GRM8: variants seen among roughly 807,000 people sequenced by gnomAD.
GRM8 encodes the protein glutamate metabotropic receptor 8.
GRM8 carries 47 observed loss-of-function variants against 87.2 expected under a neutral mutation model. The observed-to-expected ratio is 0.54, with a 90% CI of 0.43 to 0.69. The LOEUF (loss-of-function observed/expected upper bound fraction) is 0.69. Among genes scored for constraint, GRM8 ranks in the 30% least tolerant of loss-of-function variants. GRM8 has a pLI of 0.00. For synonymous variants in GRM8, 396 were observed against 404.5 expected, an observed-to-expected ratio of 0.98 and a Z score of 0.25; for missense variants, 1,019 against 1,139.2, an observed-to-expected ratio of 0.89 and a Z score of 1.52.
At chr7:126,517,178 T>G (rs1812296990) in intron 9 of GRM8, among the ~76,000 whole-genome samples, 1 of 152,054 alleles carries the variant, frequency 6.6e-6, no homozygotes, top group Admixed American at 6.6e-5. Flanking sequence ...GGTACTATAG[T>G]TACTGCAGAT....
chr7:126,864,463 C>T (rs992819001), intron 6 of GRM8, among the ~76,000 whole-genome samples: 1 of 152,044 alleles, frequency 6.6e-6, no homozygotes, highest in Non-Finnish European at 1.5e-5. Flanking sequence ...TCACTAATTA[C>T]TTAATTAGCT....
intron 9 of GRM8, among the ~76,000 whole-genome samples, chr7:126,497,901 T>C (rs1809015150): frequency 6.6e-6 from 1 of 151,960 alleles, no homozygotes; most frequent in Non-Finnish European, 1.5e-5. Flanking sequence ...CAGTAGAGTG[T>C]AGGTGGGGAC....
intron 6 of GRM8, among the ~76,000 whole-genome samples, chr7:126,860,186 A>G (rs887100765): frequency 1.3e-5 from 2 of 152,294 alleles, no homozygotes; most frequent in Middle Eastern, 3.4e-3. Context: ...TCTGAATCTT[A>G]TACTACATAT....
intron 9 of GRM8, among the ~76,000 whole-genome samples, chr7:126,489,810 G>A (rs183133161): frequency 6.6e-6 from 1 of 152,120 alleles, no homozygotes; most frequent in Non-Finnish European, 1.5e-5. Flanking sequence ...AGCATGCAAA[G>A]CAGTAGACAG....
At chr7:126,853,703 C>A (rs557401709) in intron 6 of GRM8, among the ~76,000 whole-genome samples, 1 of 152,150 alleles carries the variant, frequency 6.6e-6, no homozygotes, top group Non-Finnish European at 1.5e-5. Context: ...GAACCTAAGG[C>A]ACCTATGAAT....
intron 9 of GRM8, among the ~76,000 whole-genome samples, chr7:126,521,835 T>C (rs971285990): frequency 6.6e-6 from 1 of 152,242 alleles, no homozygotes; most frequent in Non-Finnish European, 1.5e-5. Context: ...CTTTTATTTC[T>C]AATGAATGTG....
intron 7 of GRM8, among the ~76,000 whole-genome samples, chr7:126,680,883 G>A (rs534757574): frequency 2.0e-5 from 3 of 152,222 alleles, no homozygotes; most frequent in East Asian, 1.9e-4. Flanking sequence ...TACTCTTTAC[G>A]TGATTAATTT....
intron 3 of GRM8, among the ~76,000 whole-genome samples, chr7:126,936,841 C>T (rs1806384627): frequency 6.6e-6 from 1 of 152,160 alleles, no homozygotes; most frequent in Non-Finnish European, 1.5e-5. Context: ...CATCCTGGGC[C>T]ACCTACCCAC....
At chr7:126,708,825 G>A (rs1250208889) in intron 7 of GRM8, among the ~76,000 whole-genome samples, 3 of 152,126 alleles carry the variant, frequency 2.0e-5, no homozygotes, top group African/African-American at 7.2e-5. Context: ...AACGAAGGAT[G>A]TGGGGAGCAG....
chr7:126,530,789 T>G (rs993219414), intron 9 of GRM8, among the ~76,000 whole-genome samples: 1 of 152,202 alleles, frequency 6.6e-6, no homozygotes, highest in Non-Finnish European at 1.5e-5. Flanking sequence ...ATGTGAAAAC[T>G]TAAACATTCT....
chr7:127,208,962 G>A (rs1201516226), intron 2 of GRM8, among the ~76,000 whole-genome samples: 1 of 152,168 alleles, frequency 6.6e-6, no homozygotes, highest in Non-Finnish European at 1.5e-5. Flanking sequence ...ATTTCCCACA[G>A]GAGCTTTACT....
At chr7:127,126,298 C>T (rs1014924757) in intron 2 of GRM8, among the ~76,000 whole-genome samples, 11 of 151,822 alleles carry the variant, frequency 7.2e-5, no homozygotes, top group African/African-American at 1.2e-4. Flanking sequence ...ACCATTCAGC[C>T]GTAAAAATAA....
intron 3 of GRM8, among the ~76,000 whole-genome samples, chr7:127,064,096 T>C (rs989635770): frequency 6.6e-6 from 1 of 152,250 alleles, no homozygotes; most frequent in African/African-American, 2.4e-5. Flanking sequence ...AGAATGTATA[T>C]TCTATTGTTT....
At chr7:126,573,277 G>A (rs12674181) in intron 8 of GRM8, among the ~76,000 whole-genome samples, 46,968 of 152,032 alleles carry the variant, frequency 0.31, 8,135 homozygotes, top group East Asian at 0.44. Context: ...GAATGCCAGT[G>A]TTCACAATGG....
chr7:126,482,804 T>C (rs1806851387), intron 9 of GRM8, among the ~76,000 whole-genome samples: 2 of 151,972 alleles, frequency 1.3e-5, no homozygotes, highest in Non-Finnish European at 2.9e-5. Flanking sequence ...TTTTATCTTC[T>C]GTGTAACTTT....
chr7:126,539,030 C>T (rs770694969), intron 8 of GRM8, among the ~76,000 whole-genome samples: 1 of 151,794 alleles, frequency 6.6e-6, no homozygotes, highest in Non-Finnish European at 1.5e-5. Context: ...TTCAAAGTGG[C>T]CCGTGTCCTT....
intron 3 of GRM8, among the ~76,000 whole-genome samples, chr7:126,937,646 G>T (rs1446442764): frequency 6.6e-6 from 1 of 152,212 alleles, no homozygotes; most frequent in Non-Finnish European, 1.5e-5. Flanking sequence ...CTGCCAAGTA[G>T]TTCTTGCCCA....
At chr7:126,596,190 G>A (rs1403118434) in intron 8 of GRM8, among the ~76,000 whole-genome samples, 6 of 152,062 alleles carry the variant, frequency 3.9e-5, no homozygotes, top group African/African-American at 1.4e-4. Flanking sequence ...GGATTGCTGG[G>A]GTGAATGGTA....
At chr7:126,877,345 C>T (rs774114825) in intron 6 of GRM8, among the ~76,000 whole-genome samples, 4 of 152,180 alleles carry the variant, frequency 2.6e-5, no homozygotes, top group Non-Finnish European at 5.9e-5. Flanking sequence ...TCCATGTATC[C>T]TACGGTTTGA....
Sources: allele counts gnomAD v4.1 joint callset (sites outside exome capture counted in the v4.1 genomes callset), GRCh38; gene constraint gnomAD v4.1.1; transcripts MANE v1.5; gene names NCBI Gene and HGNC (gene_info 2026-07-23, HGNC 2026-07-21).